Variants in SLC23A3 observed in about 807,000 individuals in gnomAD.
SLC23A3 encodes solute carrier family 23 member 3.
SLC23A3 carries 41 observed loss-of-function variants against 64.7 expected under a neutral mutation model. The ratio of observed to expected loss-of-function variants is 0.63; its 90% CI spans 0.49 to 0.82. SLC23A3 has a LOEUF of 0.82. Ranked by LOEUF, SLC23A3 falls within the 40% of genes least tolerant of loss-of-function variation. SLC23A3 has a pLI of 0.00. For synonymous variants in SLC23A3, 281 were observed against 306.8 expected (o/e 0.92, Z 0.88); for missense variants, 647 against 733.4 (o/e 0.88, Z 1.36).
rs773334041 is a variant in SLC23A3, at chr2:219,165,397, C to A, written c.939G>T (p.Thr313=). ...AGATGCCTGCAGCCAGAGCTCTGGGCGTCAGCAAAGGCCAATTCCACTCAC... is the reference window on the plus strand; with the variant it reads ...AGATGCCTGCAGCCAGAGCTCTGGGAGTCAGCAAAGGCCAATTCCACTCAC... ...HPGEWNWPLL[T]PRALAAGISM... Residue 313 remains threonine (T), a synonymous_variant, in exon 8 of 12, where the codon ACG becomes ACT. Coordinates refer to ENST00000409878, the MANE Select transcript of SLC23A3 (RefSeq NM_001144889.2). 8.4e-6 allele frequency: 13 copies of A among 1,550,704 alleles called. No homozygotes were observed. In the South Asian group the frequency reaches 1.5e-4, roughly 18 times the overall value.
At chr2:219,167,682 C>G (rs773278424) in intron 7 of SLC23A3, among the ~76,000 whole-genome samples, 1 of 151,128 alleles carries the variant, frequency 6.6e-6, no homozygotes, top group South Asian at 2.1e-4. Flanking sequence ...GTTGAGGTTG[C>G]GTGAGCCATG....
At position 219,161,760 on chromosome 2, in the gene SLC23A3, C is replaced by A; in HGVS notation, c.*149G>T. The A allele has an allele frequency of 1.3e-6, 1 of 792,180 alleles. No homozygotes were observed. The allele number at this position is 792,180 out of a possible 1,614,324, so 49.1% of individuals were successfully genotyped here. A position where few individuals can be genotyped will look rare whatever the true frequency, so the allele number is the denominator to read the frequency against. ...CCTAATTAAGACAAGGAAAGGCAAC[C>A]CACCCTATTGGGAAATGGAACCTCT... On this transcript the variant is annotated 3_prime_UTR_variant, in exon 12 of 12. Coordinates refer to ENST00000409878, the MANE Select transcript of SLC23A3 (RefSeq NM_001144889.2).
In SLC23A3 at chr2:219,167,979, C is replaced by A. The variant is rs749257333; in HGVS notation, c.864G>T (p.Gln288His). The A allele has an allele frequency of 3.0e-5, 48 of 1,590,078 alleles. No homozygotes were observed. In the Middle Eastern group the frequency reaches 6.7e-4, roughly 22 times the overall value. ...SAFVGFSVIP[Q>H]ELSAPTKAPW... Reference sequence around the variant, plus strand: ...GTGCCTTGGTGGGGGCAGACAGTTCCTGGGGGATAACACTGAATCCCACAA... The same window carrying A: ...GTGCCTTGGTGGGGGCAGACAGTTCATGGGGGATAACACTGAATCCCACAA... The change falls in exon 7 of 12, where the codon CAG becomes CAT. Residue 288 changes from glutamine to histidine, a missense_variant. By Grantham distance (24) the Gln-to-His change is conservative. Transcript: ENST00000409878.
rs1255208727 is a variant in SLC23A3 at position 219,162,156 on chromosome 2, G to A, written c.1586C>T (p.Thr529Ile). Reference sequence around the variant, plus strand: ...CTGAGGCATTCGAGCCTCTTGGGCAGTGAAAGGAGATGGTAGCCCTTGACC... The same window carrying A: ...CTGAGGCATTCGAGCCTCTTGGGCAATGAAAGGAGATGGTAGCCCTTGACC... ...GLGQGLPSPF[T>I]AQEARMPQKP... The change falls in exon 12 of 12, where the codon ACT (threonine) becomes ATT (isoleucine). Residue 529 changes from threonine to isoleucine, a missense_variant. Thr to Ile is a moderately conservative substitution (Grantham distance 89). Transcript: ENST00000409878. 4 of 1,613,382 alleles carry A rather than the reference G, an allele frequency of 2.5e-6. No homozygotes were observed. Among genetic ancestry groups the A allele is most frequent in the East Asian group, 4.5e-5 (2 of 44,852 alleles).
At position 219,167,851 on chromosome 2, in the gene SLC23A3, A is replaced by G. The variant is rs1341846896; in HGVS notation, c.913+79T>C. 18 of 1,126,986 alleles carry G rather than the reference A, an allele frequency of 1.6e-5. No individual in the cohort carries two copies. The Admixed American group carries it at 3.3e-4, about 21-fold the overall frequency. 69.8% of individuals were successfully genotyped at this position (1,126,986 alleles called of 1,614,324 possible). On this transcript the variant is annotated intron_variant, in intron 7 of 11. Transcript: ENST00000409878. Reference sequence around the variant, plus strand: ...AAAAAACACAGGATTTAACTCAGAAATAAAATCCATTAAGTTCTTTGAGTT... The same window carrying G: ...AAAAAACACAGGATTTAACTCAGAAGTAAAATCCATTAAGTTCTTTGAGTT...
In SLC23A3 at chr2:219,165,306, A is replaced by G; in HGVS notation, c.1030T>C (p.Leu344=). 3 of 1,551,608 alleles carry G rather than the reference A, an allele frequency of 1.9e-6. No homozygotes were observed. Among genetic ancestry groups the G allele is most frequent in the East Asian group, 2.4e-5 (1 of 40,914 alleles). Residue 344 remains leucine (L), a synonymous_variant, in exon 8 of 12, where the codon TTG becomes CTG. Transcript: ENST00000409878. ...CYALCGRLLH[L]PPPPPHACSR... is the part of the protein sequence containing the mutation. ...CAGGCATGTGGAGGTGGGGGAGGCA[A>G]ATGCAGCAGCCGGCCACACAGGGCA...
intron 8 of SLC23A3, 81 bp from the exon 9 acceptor site, chr2:219,164,419 C>T (rs1045116248): frequency 1.1e-6 from 1 of 886,570 alleles, no homozygotes; most frequent in Non-Finnish European, 1.8e-6. Context: ...TCCTTCTCAT[C>T]ATTTGGATCC....
At chr2:219,164,598 C>T (rs778605335) in intron 8 of SLC23A3, 30 of 370,992 alleles carry the variant, frequency 8.1e-5, no homozygotes, top group South Asian at 6.9e-4. Context: ...CTCGCTCTGT[C>T]GCCCAGGCTG....
rs773027585 is a variant in SLC23A3 at position 219,169,346 on chromosome 2, G to A, written c.381C>T (p.Ser127=). The change falls in exon 3 of 12, where the codon AGC becomes AGT. Residue 127 remains serine, a synonymous_variant. Coordinates refer to ENST00000409878, the MANE Select transcript of SLC23A3 (RefSeq NM_001144889.2). The surrounding 1 kb of genome is among the most constrained non-coding windows in gnomAD (Gnocchi z 4.5). ...EFLIPALVLT[S]QKLPRAIQTP... is the part of the protein sequence containing the mutation. The stretch of plus-strand genomic sequence containing the variant: ...TCTGGATGGCCCGGGGTAGCTTCTG[G>A]CTGGTCAGCACCAGAGCAGGGATAA... 3.7e-6 allele frequency: 6 copies of A among 1,614,166 alleles called. No homozygotes were observed. The highest frequency in any genetic ancestry group is 5.1e-6 in the Non-Finnish European group (6 of 1,180,036).
Position 219,169,203 on chromosome 2 carries a change from T to C in SLC23A3, c.419-101A>G. On this transcript the variant is annotated intron_variant, in intron 3 of 11. Coordinates refer to ENST00000409878, the MANE Select transcript of SLC23A3 (RefSeq NM_001144889.2). This position sits in a 1 kb window ranked among gnomAD's most constrained non-coding sequence, Gnocchi z 4.5. The stretch of plus-strand genomic sequence containing the variant: ...GCACAGGTCCAAGCCCCCTATAGTG[T>C]CACAGTCTCACCACTGCCCAATCTC... The C allele has an allele frequency of 3.1e-6, 5 of 1,608,500 alleles. No homozygotes were observed. The highest frequency in any genetic ancestry group is 4.3e-6 in the Non-Finnish European group (5 of 1,176,030).
chr2:219,165,583 A>G (rs1327775642), intron 7 of SLC23A3, among the ~76,000 whole-genome samples, 161 bp from the exon 8 acceptor site: 2 of 152,246 alleles, frequency 1.3e-5, no homozygotes, highest in African/African-American at 4.8e-5. Context: ...CCATGCCTTT[A>G]CCATGGTCTA....
intron 9 of SLC23A3, 61 bp from the exon 10 acceptor site, chr2:219,163,616 G>C (rs1449278763): frequency 6.9e-7 from 1 of 1,447,534 alleles, no homozygotes. Context: ...ACATAGCATG[G>C]AGTATTGCAG....
Position 219,163,368 on chromosome 2 carries a change from G to A in SLC23A3, c.1441+20C>T, listed in dbSNP as rs762999460. 25 of 1,610,314 alleles carry A rather than the reference G, an allele frequency of 1.6e-5. No individual in the cohort carries two copies. Among genetic ancestry groups the A allele is most frequent in the Admixed American group, 1.2e-4 (7 of 59,854 alleles). On this transcript the variant is annotated intron_variant, in intron 10 of 11. Coordinates refer to ENST00000409878, the MANE Select transcript of SLC23A3 (RefSeq NM_001144889.2). Reference sequence around the variant, plus strand: ...ACTTGCTTTCCTGCTACTGAGCAACGCCTCTTCCCTTCCACCTACCTGTGC... The same window carrying A: ...ACTTGCTTTCCTGCTACTGAGCAACACCTCTTCCCTTCCACCTACCTGTGC...
At chr2:219,163,016 A>G (rs1949965416) in intron 10 of SLC23A3, among the ~76,000 whole-genome samples, 1 of 152,144 alleles carries the variant, frequency 6.6e-6, no homozygotes, top group Non-Finnish European at 1.5e-5. Flanking sequence ...CTTTGCATAA[A>G]TGATGGTTCC....
At chr2:219,167,691 T>G (rs1189857581) in intron 7 of SLC23A3, among the ~76,000 whole-genome samples, 1 of 151,210 alleles carries the variant, frequency 6.6e-6, no homozygotes, top group Non-Finnish European at 1.5e-5. Flanking sequence ...GCGTGAGCCA[T>G]GATCACGCCA....
At chr2:219,162,447 C>G in intron 10 of SLC23A3, 53 bp from the exon 11 acceptor site, 1 of 1,392,424 alleles carries the variant, frequency 7.2e-7, no homozygotes. Flanking sequence ...ATATCCAAGC[C>G]CAGGAGTCTT....
At chr2:219,164,496 C>A (rs1949984941) in intron 8 of SLC23A3, 158 bp from the exon 9 acceptor site, 1 of 576,050 alleles carries the variant, frequency 1.7e-6, no homozygotes, top group South Asian at 2.2e-5. Context: ...TCCTTTCCAT[C>A]CCACTACCCT....
intron 7 of SLC23A3, among the ~76,000 whole-genome samples, chr2:219,166,728 C>G (rs1363758434): frequency 6.6e-6 from 1 of 151,806 alleles, no homozygotes; most frequent in African/African-American, 2.4e-5. Context: ...AGAGTGGAGT[C>G]TTGCTTTATT....
chr2:219,168,500 G>C (rs1950026286), intron 5 of SLC23A3, 152 bp downstream of exon 5: 1 of 1,097,850 alleles, frequency 9.1e-7, no homozygotes, highest in African/African-American at 1.6e-5. Context: ...AAGGAGACCA[G>C]ATGAATCAAG....
Sources: gnomAD v4.1 joint callset for allele counts (sites outside exome capture counted in the v4.1 genomes callset) on GRCh38, gnomAD v4.1.1 for gene constraint, Gnocchi (gnomAD v3.1) non-coding constraint, MANE v1.5 for transcripts, NCBI Gene and HGNC (gene_info 2026-07-23, HGNC 2026-07-21) for gene names.